Variants in FLNB observed in about 807,000 individuals in gnomAD.
FLNB encodes filamin B.
A neutral mutation model predicts 250.6 loss-of-function variants in FLNB; 111 were observed. The observed-to-expected ratio is 0.44, with a 90% CI of 0.38 to 0.52. The LOEUF is 0.52. Ranked by LOEUF, FLNB falls within the 20% of genes least tolerant of loss-of-function variation. The pLI is 0.00. For missense variants in FLNB, 2,869 were observed against 3,447.8 expected (o/e 0.83, Z 4.20); for synonymous variants, 1,302 against 1,372.1 (o/e 0.95, Z 1.13).
chr3:58,030,129 T>C (rs2097128923), intron 1 of FLNB, among the ~76,000 whole-genome samples: 1 of 152,170 alleles, frequency 6.6e-6, no homozygotes, highest in Non-Finnish European at 1.5e-5. Flanking sequence ...AACATGCTAA[T>C]GGCACCAGGA....
chr3:58,169,754 G>A lies in FLNB; in HGVS notation c.7582G>A (p.Gly2528Ser). ...GGCAGGGCTCTCAAAGGCCTTTGTG[G>A]GCCAGAAGAGTTCCTTCCTGGTGGA... ...KGAGLSKAFV[G>S]QKSSFLVDCS... The change falls in exon 45 of 46, where the codon GGC (glycine) becomes AGC (serine). Residue 2528 changes from glycine to serine, a missense_variant. Gly to Ser is a moderately conservative substitution (Grantham distance 56, BLOSUM62 0). This residue lies in a region of FLNB where 1,084 missense variants were observed against 1,315.5 expected (regional missense o/e 0.82). Transcript: ENST00000295956. This position sits in a 1 kb window ranked among gnomAD's most constrained non-coding sequence, Gnocchi z 4.8. 3.7e-6 allele frequency: 6 copies of A among 1,612,898 alleles called. No homozygotes were observed. The highest frequency in any genetic ancestry group is 1.1e-5 in the South Asian group (1 of 91,058).
chr3:58,084,018 C>T (rs948508404), intron 4 of FLNB, among the ~76,000 whole-genome samples: 3 of 151,834 alleles, frequency 2.0e-5, no homozygotes, highest in African/African-American at 4.8e-5. Context: ...AAGGTGAAAC[C>T]CCATCTCTAC....
chr3:58,049,212 A>G (rs1243550246), intron 1 of FLNB, among the ~76,000 whole-genome samples: 1 of 152,062 alleles, frequency 6.6e-6, no homozygotes, highest in East Asian at 1.9e-4. Context: ...GATATCTTGT[A>G]TTTTTATTTG....
Position 58,134,646 on chromosome 3 carries a change from T to C in FLNB, c.4545T>C (p.Tyr1515=), listed in dbSNP as rs1055800774. The change falls in exon 27 of 46, where the codon TAT becomes TAC. Residue 1515 remains tyrosine (Y), a synonymous_variant. Coordinates refer to ENST00000295956, the MANE Select transcript of FLNB (RefSeq NM_001457.4). ...SPFKVKVLPT[Y]DASKVTASGP... ...TCAAGGTCAAGGTCCTTCCCACATA[T>C]GATGCCAGCAAAGTGACTGCCAGTG... 6.2e-7 allele frequency: 1 copy of C among 1,614,144 alleles called. No homozygotes were observed. The highest frequency in any genetic ancestry group is 8.5e-7 in the Non-Finnish European group (1 of 1,180,020).
chr3:58,049,096 A>G (rs1576633342), intron 1 of FLNB, among the ~76,000 whole-genome samples: 1 of 152,262 alleles, frequency 6.6e-6, no homozygotes, highest in East Asian at 1.9e-4. Flanking sequence ...ACTTTTTAGT[A>G]TAAGTATGTT....
intron 11 of FLNB, among the ~76,000 whole-genome samples, chr3:58,105,809 A>G (rs1049533354): frequency 6.6e-6 from 1 of 152,230 alleles, no homozygotes; most frequent in African/African-American, 2.4e-5. Context: ...AAAGTAAGCA[A>G]TGGGCCAGAT....
At chr3:58,072,621 T>C (rs2097196292) in intron 1 of FLNB, among the ~76,000 whole-genome samples, 2 of 152,206 alleles carry the variant, frequency 1.3e-5, no homozygotes, top group South Asian at 4.1e-4. Flanking sequence ...ATCTTTTTAT[T>C]GTTCCAAGAG....
chr3:58,166,820 T>TA (rs34096220), intron 43 of FLNB, among the ~76,000 whole-genome samples: 99,621 of 147,684 alleles, frequency 0.67, 33,869 homozygotes, highest in East Asian at 0.99. Context: ...AGACTTTATC[T>TA]AAAAAAAAAA....
chr3:58,101,309 T>G (rs753236307), intron 8 of FLNB, among the ~76,000 whole-genome samples: 5 of 152,164 alleles, frequency 3.3e-5, no homozygotes, highest in African/African-American at 4.8e-5. Context: ...TTTTCAGTGT[T>G]AGATTTGGAA....
At chr3:58,077,603 C>A (rs970981761) in intron 2 of FLNB, among the ~76,000 whole-genome samples, 23 of 152,184 alleles carry the variant, frequency 1.5e-4, no homozygotes, top group African/African-American at 5.3e-4. Context: ...CCTGTGTCTT[C>A]CCACATTGGT....
chr3:58,132,314 A>G (rs2097308815), intron 25 of FLNB: 1 of 438,496 alleles, frequency 2.3e-6, no homozygotes, highest in African/African-American at 2.0e-5. Context: ...CCCTGCACCT[A>G]TGCCCCAGCA....
At position 58,117,727 on chromosome 3, in the gene FLNB, T is replaced by C. The variant is rs779576571; in HGVS notation, c.2746-1145T>C. On this transcript the variant is annotated intron_variant, in intron 18 of 45. Coordinates refer to ENST00000295956, the MANE Select transcript of FLNB (RefSeq NM_001457.4). Reference sequence around the variant, plus strand: ...TTGTTCACATGAGGCAGGGGGCCAATTGGTTTTGTGTGCAGTGCTTAAAAA... The same window carrying C: ...TTGTTCACATGAGGCAGGGGGCCAACTGGTTTTGTGTGCAGTGCTTAAAAA... Among the ~76,000 whole-genome samples the C allele has an allele frequency of 2.4e-4, 37 of 152,174 alleles. 1 individual carries two copies. Among genetic ancestry groups the C allele is most frequent in the Non-Finnish European group, 4.6e-4 (31 of 68,034 alleles).
At chr3:58,106,652 G>C (rs1405302709) in intron 11 of FLNB, 28 bp from the exon 12 acceptor site, 6 of 1,608,638 alleles carry the variant, frequency 3.7e-6, no homozygotes, top group Non-Finnish European at 5.1e-6. Flanking sequence ...CATATAACCA[G>C]GGAGACCCTT....
At chr3:58,156,276 C>T (rs2097353250) in intron 41 of FLNB, among the ~76,000 whole-genome samples, 1 of 152,110 alleles carries the variant, frequency 6.6e-6, no homozygotes, top group Non-Finnish European at 1.5e-5. Flanking sequence ...TTGGGGCGAG[C>T]AAAAACAGAG....
In FLNB at chr3:58,098,021, C is replaced by G. The variant is rs200205041; in HGVS notation, c.1147+44C>G. The G allele has an allele frequency of 3.8e-4, 614 of 1,601,222 alleles. 2 individuals carry two copies. The highest frequency in any genetic ancestry group is 1.4e-3 in the Middle Eastern group (8 of 5,680). On this transcript the variant is annotated intron_variant, in intron 7 of 45. Coordinates refer to ENST00000295956, the MANE Select transcript of FLNB (RefSeq NM_001457.4). Reference sequence around the variant, plus strand: ...ATGGATCTGACCTTTGCGCTTTCTTCCAGAGGCTGAAATATAATCCTCGGG... The same window carrying G: ...ATGGATCTGACCTTTGCGCTTTCTTGCAGAGGCTGAAATATAATCCTCGGG...
chr3:58,063,699 A>G (rs1343014469), intron 1 of FLNB, among the ~76,000 whole-genome samples: 1 of 152,146 alleles, frequency 6.6e-6, no homozygotes, highest in Non-Finnish European at 1.5e-5. Flanking sequence ...TGACTTCACA[A>G]TCTTTGGGCA....
chr3:58,154,770 C>T (rs773635853), intron 39 of FLNB, 21 bp from the exon 40 acceptor site: 1 of 1,613,320 alleles, frequency 6.2e-7, no homozygotes, highest in South Asian at 1.1e-5. Context: ...AGTCACTAAC[C>T]AGGTTTCTCT....
intron 1 of FLNB, among the ~76,000 whole-genome samples, chr3:58,063,996 A>G (rs1483704456): frequency 2.6e-5 from 4 of 152,142 alleles, no homozygotes; most frequent in Non-Finnish European, 5.9e-5. Context: ...AAGGTCCTCA[A>G]TGTCTTGCCC....
At chr3:58,107,307 C>T (rs750947325) in intron 12 of FLNB, among the ~76,000 whole-genome samples, 2 of 152,180 alleles carry the variant, frequency 1.3e-5, no homozygotes, top group African/African-American at 2.4e-5. Context: ...GCTGGGATTA[C>T]AGGTGTGAGC....
Sources: allele counts gnomAD v4.1 joint callset (sites outside exome capture counted in the v4.1 genomes callset), GRCh38; gene constraint gnomAD v4.1.1; regional missense constraint gnomAD v4.1.1; non-coding constraint Gnocchi (gnomAD v3.1); transcripts MANE v1.5; gene names NCBI Gene and HGNC (gene_info 2026-07-23, HGNC 2026-07-21).